Variants in PTDSS1 observed in about 807,000 individuals in gnomAD.
PTDSS1 encodes the protein PSS-1.
In PTDSS1, 45 loss-of-function variants were observed where a neutral mutation model predicts 70.5. The observed-to-expected ratio is 0.64, with a 90% CI of 0.50 to 0.82. The LOEUF is 0.82. Among genes scored for constraint, PTDSS1 ranks in the 40% least tolerant of loss-of-function variants. PTDSS1 has a pLI of 0.00. For missense variants in PTDSS1, 417 were observed against 586.1 expected, an observed-to-expected ratio of 0.71 and a Z score of 2.98; for synonymous variants, 188 against 203.8, an observed-to-expected ratio of 0.92 and a Z score of 0.66.
chr8:96,322,635 T>C lies in PTDSS1; in HGVS notation c.1173+2290T>C, dbSNP rs1226866445. On this transcript the variant is annotated intron_variant, in intron 10 of 12. Coordinates refer to ENST00000517309, the MANE Select transcript of PTDSS1 (RefSeq NM_014754.3). ...TGACAGCTAAGTATCAACATGAGTT[T>C]TGGCAGGGACATTCAAGCCATAGCA... Among the ~76,000 whole-genome samples, 3 of 152,276 alleles carry C rather than the reference T, an allele frequency of 2.0e-5. No homozygotes were observed. The East Asian group carries it at 5.8e-4, about 29-fold the overall frequency.
intron 9 of PTDSS1, among the ~76,000 whole-genome samples, chr8:96,311,633 T>C (rs1811213324): frequency 6.6e-6 from 1 of 152,186 alleles, no homozygotes; most frequent in South Asian, 2.1e-4. Context: ...TTTAGGCAGG[T>C]TCCTCCCGAC....
intron 5 of PTDSS1, among the ~76,000 whole-genome samples, chr8:96,298,196 A>G (rs1378521801): frequency 6.6e-6 from 1 of 152,218 alleles, no homozygotes; most frequent in African/African-American, 2.4e-5. Context: ...TTAAGAATGC[A>G]GCCACAAGCC....
intron 9 of PTDSS1, among the ~76,000 whole-genome samples, chr8:96,315,433 CTCT>C (rs1246301605): frequency 1.3e-5 from 2 of 152,154 alleles, no homozygotes; most frequent in East Asian, 1.9e-4. Context: ...AAGCCAAAAT[CTCT>C]TCTTCTGCTT....
chr8:96,327,555 C>T (rs937134405), intron 10 of PTDSS1, among the ~76,000 whole-genome samples: 38 of 152,286 alleles, frequency 2.5e-4, no homozygotes, highest in African/African-American at 8.2e-4. Flanking sequence ...AAGAGAGCTT[C>T]AAGTTACACC....
chr8:96,275,865 A>G (rs572382196), intron 2 of PTDSS1, among the ~76,000 whole-genome samples: 1 of 152,308 alleles, frequency 6.6e-6, no homozygotes, highest in African/African-American at 2.4e-5. Flanking sequence ...ACTCAATGCC[A>G]TGACCATTAT....
rs1011238847 is a variant in PTDSS1, at chr8:96,295,104, G to A, written c.448G>A (p.Ala150Thr). The change falls in exon 5 of 13, where the codon GCT (alanine) becomes ACT (threonine). Residue 150 changes from alanine (A) to threonine (T), a missense_variant. Ala to Thr is a moderately conservative substitution (Grantham distance 58, BLOSUM62 0). This residue lies in a region of PTDSS1 where 272 missense variants were observed against 429.5 expected (regional missense o/e 0.63). Transcript: ENST00000517309. Reference sequence around the variant, plus strand: ...TCTTTTTTATTTTAAATAGGAGTATGCTGTGAACTGCCATGTGATCACCTG... The same window carrying A: ...TCTTTTTTATTTTAAATAGGAGTATACTGTGAACTGCCATGTGATCACCTG... The part of the protein sequence containing the change: ...ATREADVMEY[A>T]VNCHVITWER... The A allele has an allele frequency of 6.2e-7, 1 of 1,612,792 alleles. No individual in the cohort carries two copies. The highest frequency in any genetic ancestry group is 8.5e-7 in the Non-Finnish European group (1 of 1,179,172).
chr8:96,265,189 T>C (rs1190075513), intron 1 of PTDSS1, among the ~76,000 whole-genome samples: 3 of 152,260 alleles, frequency 2.0e-5, no homozygotes, highest in African/African-American at 7.2e-5. Flanking sequence ...TCAGTGCAAT[T>C]CTTTCAGTAA....
Position 96,262,534 on chromosome 8 carries a change from G to C in PTDSS1, c.179+315G>C, listed in dbSNP as rs1810423145. Among the ~76,000 whole-genome samples the C allele has an allele frequency of 6.6e-6, 1 of 152,014 alleles. No individual in the cohort carries two copies. Among genetic ancestry groups the C allele is most frequent in the African/African-American group, 2.4e-5 (1 of 41,372 alleles). ...TCAGCATCGCTCCACACAACATCAC[G>C]ACGCGGGCCCCTCCTCTGCACTGCT... On this transcript the variant is annotated intron_variant, in intron 1 of 12. Coordinates refer to ENST00000517309, the MANE Select transcript of PTDSS1 (RefSeq NM_014754.3). The surrounding 1 kb of genome is among the most constrained non-coding windows in gnomAD (Gnocchi z 4.4).
At chr8:96,273,661 A>T (rs933799739) in intron 2 of PTDSS1, among the ~76,000 whole-genome samples, 1 of 152,186 alleles carries the variant, frequency 6.6e-6, no homozygotes, top group Non-Finnish European at 1.5e-5. Context: ...GTGCACGTTA[A>T]ACACTATGAA....
chr8:96,273,462 C>A, intron 2 of PTDSS1, 72 bp downstream of exon 2: 1 of 1,136,288 alleles, frequency 8.8e-7, no homozygotes, highest in Non-Finnish European at 1.3e-6. Context: ...TGTGAGTCAT[C>A]TAGAAGATGA....
At chr8:96,286,888 A>G (rs111632907) in intron 3 of PTDSS1, 134 bp from the exon 4 acceptor site, 5 of 1,128,296 alleles carry the variant, frequency 4.4e-6, no homozygotes, top group Admixed American at 2.0e-5. Flanking sequence ...ATCCCAGATT[A>G]TAAGAGGAGT....
intron 3 of PTDSS1, 43 bp from the exon 4 acceptor site, chr8:96,286,979 A>G: frequency 6.2e-7 from 1 of 1,610,422 alleles, no homozygotes; most frequent in Non-Finnish European, 8.5e-7. Flanking sequence ...GTGTCTGACT[A>G]TTGGATCTCT....
chr8:96,304,144 G>T lies in PTDSS1; in HGVS notation c.857G>T (p.Arg286Ile). 14 of 1,613,770 alleles carry T rather than the reference G, an allele frequency of 8.7e-6. 1 individual carries two copies. The South Asian group carries it at 1.5e-4, about 18-fold the overall frequency. Residue 286 changes from arginine to isoleucine, a missense_variant, in exon 7 of 13, where the codon AGA becomes ATA. By Grantham distance (97) the Arg-to-Ile change is moderately conservative (BLOSUM62 -3). Around this residue, in one of 3 missense-constraint regions of PTDSS1, gnomAD observed 272 missense variants for 429.5 expected, o/e 0.63. Transcript: ENST00000517309. ...RWFDPKSSFQ[R>I]VAGVYLFMII... ...TTTGACCCCAAATCTTCTTTTCAGA[G>T]AGTAGCTGGAGTGTACCTTTTCATG...
intron 2 of PTDSS1, among the ~76,000 whole-genome samples, chr8:96,280,392 C>G (rs894652090): frequency 9.2e-5 from 14 of 151,998 alleles, no homozygotes; most frequent in African/African-American, 1.2e-4. Context: ...CGTGGTGGCA[C>G]ATGCCTGTAA....
At chr8:96,300,131 G>C (rs759428366) in intron 6 of PTDSS1, among the ~76,000 whole-genome samples, 29 of 152,118 alleles carry the variant, frequency 1.9e-4, no homozygotes, top group Admixed American at 5.2e-4. Context: ...TATCCCGACT[G>C]CCTCAGCCTT....
At chr8:96,328,252 A>AC (rs984971326) in intron 10 of PTDSS1, among the ~76,000 whole-genome samples, 9 of 151,304 alleles carry the variant, frequency 5.9e-5, no homozygotes, top group Non-Finnish European at 8.9e-5. Context: ...GTGGAACCTA[A>AC]CCCCCCCAGT....
chr8:96,332,704 A>G (rs922120481), intron 12 of PTDSS1, among the ~76,000 whole-genome samples: 1 of 152,250 alleles, frequency 6.6e-6, no homozygotes, highest in African/African-American at 2.4e-5. Context: ...AAAATAACAA[A>G]AACAGAAGTC....
At position 96,309,587 on chromosome 8, in the gene PTDSS1, G is replaced by A. The variant is rs1432644581; in HGVS notation, c.1038G>A (p.Gln346=). 3.7e-6 allele frequency: 6 copies of A among 1,614,006 alleles called. No homozygotes were observed. The highest frequency in any genetic ancestry group is 3.3e-5 in the South Asian group (3 of 91,062). ...RQYYAYLTDT[Q]CKRVGTQCWV... is the part of the protein sequence containing the mutation. Reference sequence around the variant, plus strand: ...ACTACGCTTACCTCACCGACACACAGTGCAAGCGCGTAGGAACACAATGCT... The same window carrying A: ...ACTACGCTTACCTCACCGACACACAATGCAAGCGCGTAGGAACACAATGCT... Residue 346 remains glutamine (Q), a synonymous_variant, in exon 9 of 13, where the codon CAG becomes CAA. Transcript: ENST00000517309.
chr8:96,327,628 C>T (rs1042772530), intron 10 of PTDSS1, among the ~76,000 whole-genome samples: 1 of 152,088 alleles, frequency 6.6e-6, no homozygotes, highest in Non-Finnish European at 1.5e-5. Context: ...GGTAAGAGAG[C>T]GCACACGGAG....
Sources: gnomAD v4.1 joint callset for allele counts (sites outside exome capture counted in the v4.1 genomes callset) on GRCh38, gnomAD v4.1.1 for gene constraint, gnomAD v4.1.1 regional missense constraint, Gnocchi (gnomAD v3.1) non-coding constraint, MANE v1.5 for transcripts, NCBI Gene and HGNC (gene_info 2026-07-23, HGNC 2026-07-21) for gene names.